Variants in KLF12 observed in about 807,000 individuals in gnomAD.
KLF12 encodes the protein KLF transcription factor 12.
In KLF12, 9 loss-of-function variants were observed where a neutral mutation model predicts 37.8. The ratio of observed to expected loss-of-function variants is 0.24; its 90% confidence interval spans 0.14 to 0.42. The LOEUF is 0.42. Among genes scored for constraint, KLF12 ranks in the 10% least tolerant of loss-of-function variants. The pLI is 1.00. For synonymous variants in KLF12, 208 were observed against 202.1 expected (o/e 1.03, Z -0.25); for missense variants, 411 against 516.0 (o/e 0.80, Z 1.97).
At chr13:74,008,251 T>C (rs1044051134) in intron 1 of KLF12, among the ~76,000 whole-genome samples, 16 of 152,176 alleles carry the variant, frequency 1.1e-4, no homozygotes, top group Admixed American at 6.5e-5. Flanking sequence ...GCCCAAATTA[T>C]AGAGCAATGT....
chr13:74,043,700 G>C (rs762474135), intron 1 of KLF12, among the ~76,000 whole-genome samples: 1 of 152,170 alleles, frequency 6.6e-6, no homozygotes, highest in Non-Finnish European at 1.5e-5. Flanking sequence ...AGAATTCCTT[G>C]AGGAAAGCAT....
At chr13:74,071,482 C>A (rs111597833) in intron 1 of KLF12, among the ~76,000 whole-genome samples, 12 of 151,506 alleles carry the variant, frequency 7.9e-5, no homozygotes, top group Non-Finnish European at 1.8e-4. Flanking sequence ...GTCAGGAGAT[C>A]GAGACCATCC....
intron 1 of KLF12, among the ~76,000 whole-genome samples, chr13:74,084,184 T>A (rs1057069410): frequency 6.6e-6 from 1 of 152,160 alleles, no homozygotes; most frequent in Non-Finnish European, 1.5e-5. Context: ...GTAACAAATA[T>A]AAAGGTTTTC....
intron 2 of KLF12, among the ~76,000 whole-genome samples, chr13:73,959,907 C>T (rs1890968089): frequency 6.6e-6 from 1 of 152,028 alleles, no homozygotes; most frequent in Non-Finnish European, 1.5e-5. Context: ...GTTAAAATTG[C>T]GGGATCAACA....
chr13:74,100,098 C>T (rs552457377), intron 1 of KLF12, among the ~76,000 whole-genome samples: 8 of 151,832 alleles, frequency 5.3e-5, no homozygotes, highest in African/African-American at 9.7e-5. Flanking sequence ...CTGGAGACCA[C>T]GGACAGAGGG....
intron 6 of KLF12, among the ~76,000 whole-genome samples, chr13:73,753,000 C>T (rs986764046): frequency 2.6e-5 from 4 of 151,984 alleles, no homozygotes; most frequent in Admixed American, 6.6e-5. Context: ...GATCGACCCG[C>T]CTTGGCCTCC....
chr13:73,966,408 G>GA (rs1891173210), intron 2 of KLF12, among the ~76,000 whole-genome samples: 1 of 152,188 alleles, frequency 6.6e-6, no homozygotes, highest in Admixed American at 6.5e-5. Flanking sequence ...AAAGTTTAGA[G>GA]AAAAAAATGC....
At chr13:74,230,683 C>T in the KLF12 span, among the ~76,000 whole-genome samples, 4 of 152,248 alleles carry the variant, frequency 2.6e-5, no homozygotes, top group East Asian at 7.7e-4. Flanking sequence ...AATTCTACCC[C>T]GAGGCACCAC....
At chr13:74,047,270 A>C (rs1208544352) in intron 1 of KLF12, among the ~76,000 whole-genome samples, 1 of 152,034 alleles carries the variant, frequency 6.6e-6, no homozygotes, top group African/African-American at 2.4e-5. Flanking sequence ...GACCAGGCCA[A>C]GTGTTAAATT....
rs1888977267 is a variant in KLF12 at position 73,918,846 on chromosome 13, A to G, written c.123+25135T>C. Reference sequence around the variant, plus strand: ...ATGAACTCTAAACCGTGCTGCTATTAGACTCTTTAATGTTGCTCGGTTTAC... The same window carrying G: ...ATGAACTCTAAACCGTGCTGCTATTGGACTCTTTAATGTTGCTCGGTTTAC... On this transcript the variant is annotated intron_variant, in intron 3 of 7. Transcript: ENST00000377669. Among the ~76,000 whole-genome samples, 3 of 152,284 alleles carry G rather than the reference A, an allele frequency of 2.0e-5. No individual in the cohort carries two copies. In the South Asian group the frequency reaches 6.2e-4, roughly 32 times the overall value.
chr13:73,753,249 C>G lies in KLF12; in HGVS notation c.869+11689G>C, dbSNP rs189862337. 1.2e-3 allele frequency among the ~76,000 whole-genome samples: 177 copies of G among 152,232 alleles called. 4 individuals carry two copies. The highest frequency in any genetic ancestry group is 0.01 in the Admixed American group (156 of 15,284). ...GCTTCCCCTCATTCACTTTTCGTTC[C>G]TTGAATGTCCATGTTTGTTCCCATC... On this transcript the variant is annotated intron_variant, in intron 6 of 7. Coordinates refer to ENST00000377669, the MANE Select transcript of KLF12 (RefSeq NM_007249.5).
At chr13:74,237,259 C>T in the KLF12 span, among the ~76,000 whole-genome samples, 4,245 of 93,358 alleles carry the variant, frequency 0.045, 17 homozygotes, top group Middle Eastern at 0.091. Flanking sequence ...TGTAGATATG[C>T]GGCGTTATTT....
intron 1 of KLF12, among the ~76,000 whole-genome samples, chr13:74,019,383 C>A (rs1011059285): frequency 2.6e-5 from 4 of 152,120 alleles, no homozygotes; most frequent in Admixed American, 2.6e-4. Flanking sequence ...AATGTAATTC[C>A]ATTTCACTGT....
At chr13:74,179,740 G>A in the KLF12 span, among the ~76,000 whole-genome samples, 6 of 152,254 alleles carry the variant, frequency 3.9e-5, no homozygotes, top group South Asian at 4.2e-4. Context: ...CTAGAAAACC[G>A]ACAGCTTTAT....
intron 3 of KLF12, among the ~76,000 whole-genome samples, chr13:73,938,425 A>G (rs978958472): frequency 1.6e-4 from 25 of 152,152 alleles, no homozygotes; most frequent in Admixed American, 6.5e-5. Flanking sequence ...TTTCTTTATT[A>G]AGCCTAACGA....
At chr13:73,896,816 A>G (rs1356789950) in intron 3 of KLF12, among the ~76,000 whole-genome samples, 1 of 152,206 alleles carries the variant, frequency 6.6e-6, no homozygotes, top group Non-Finnish European at 1.5e-5. Flanking sequence ...CTACAAAGCC[A>G]TATAATACAA....
At chr13:73,946,569 A>G (rs1458541958) in intron 2 of KLF12, among the ~76,000 whole-genome samples, 1 of 151,144 alleles carries the variant, frequency 6.6e-6, no homozygotes, top group Non-Finnish European at 1.5e-5. Context: ...TGTACGGTTT[A>G]GTTTCACGTA....
the KLF12 span, among the ~76,000 whole-genome samples, chr13:74,179,350 T>C: frequency 6.6e-6 from 1 of 152,230 alleles, no homozygotes; most frequent in East Asian, 1.9e-4. Flanking sequence ...GTTGTGTCTC[T>C]CCTGCAGGAG....
At chr13:73,965,985 A>G (rs1388644870) in intron 2 of KLF12, among the ~76,000 whole-genome samples, 1 of 152,268 alleles carries the variant, frequency 6.6e-6, no homozygotes, top group East Asian at 1.9e-4. Context: ...ATAAAAATGC[A>G]TGTACCTTTC....
Sources: allele counts gnomAD v4.1 joint callset (sites outside exome capture counted in the v4.1 genomes callset), GRCh38; gene constraint gnomAD v4.1.1; transcripts MANE v1.5; gene names NCBI Gene and HGNC (gene_info 2026-07-23, HGNC 2026-07-21).